RICTOR: variants seen among roughly 807,000 people sequenced by gnomAD.
RICTOR encodes the protein RPTOR independent companion of MTOR complex 2, also known as rapamycin-insensitive companion of mTOR.
A neutral mutation model predicts 214.9 loss-of-function variants in RICTOR; 49 were observed. The ratio of observed to expected loss-of-function variants is 0.23; its 90% CI spans 0.18 to 0.29. RICTOR has a LOEUF of 0.29. Among genes scored for constraint, RICTOR ranks in the 10% least tolerant of loss-of-function variants. The probability of loss-of-function intolerance (pLI) is 1.00; values close to 1 mark genes in which losing one functional copy is unlikely to be tolerated. For missense variants in RICTOR, 1,625 were observed against 2,047.0 expected (o/e 0.79, Z 3.98); for synonymous variants, 717 against 711.3 (o/e 1.01, Z -0.13).
chr5:39,059,386 C>G (rs549641169), intron 2 of RICTOR, among the ~76,000 whole-genome samples: 4 of 152,182 alleles, frequency 2.6e-5, no homozygotes, highest in South Asian at 2.1e-4. Context: ...TGGAAGGAAA[C>G]AGAATGGGAG....
intron 27 of RICTOR, among the ~76,000 whole-genome samples, chr5:38,954,418 C>T (rs1392866914): frequency 6.6e-6 from 1 of 151,696 alleles, no homozygotes; most frequent in African/African-American, 2.4e-5. Context: ...GTTTAATTTC[C>T]CAATGAGTGG....
At chr5:39,003,096 C>T (rs572745222) in intron 4 of RICTOR, among the ~76,000 whole-genome samples, 1 of 152,114 alleles carries the variant, frequency 6.6e-6, no homozygotes, top group South Asian at 2.1e-4. Flanking sequence ...TAATTTATGC[C>T]AATAGCAGGC....
chr5:38,958,662 T>C lies in RICTOR; in HGVS notation c.2343+5A>G, dbSNP rs577991964. On this transcript the variant is annotated splice_donor_5th_base_variant and intron_variant, in intron 23 of 37. Transcript: ENST00000357387. The stretch of plus-strand genomic sequence containing the variant: ...AGTATTAAATTATAAAAAATGAACC[T>C]TTACCTTGTCTTCACATGCTTCATC... The C allele has an allele frequency of 6.9e-6, 11 of 1,591,518 alleles. 1 individual carries two copies. In the African/African-American group the frequency reaches 1.4e-4, roughly 20 times the overall value.
chr5:38,967,296 G>A (rs1750318094), intron 13 of RICTOR, 41 bp downstream of exon 13: 11 of 1,595,478 alleles, frequency 6.9e-6, no homozygotes, highest in South Asian at 1.1e-5. Flanking sequence ...ATAAAAACCC[G>A]AATTCTAATA....
intron 3 of RICTOR, among the ~76,000 whole-genome samples, chr5:39,005,447 T>C (rs1366253180): frequency 6.6e-6 from 1 of 152,200 alleles, no homozygotes; most frequent in East Asian, 1.9e-4. Context: ...CTAATGAGTT[T>C]TTAAATGTAG....
rs183276080 is a variant in RICTOR, at chr5:39,038,582, G to A, written c.98-17446C>T. 2.4e-3 allele frequency among the ~76,000 whole-genome samples: 366 copies of A among 152,278 alleles called. 1 individual carries two copies. The highest frequency in any genetic ancestry group is 7.6e-3 in the African/African-American group (317 of 41,558). On this transcript the variant is annotated intron_variant, in intron 2 of 37. Transcript: ENST00000357387. ...ATATTTAGAAAACCCCATTGTCTCA[G>A]CCCAAAATCTCCTTAAGCTGATAAG...
At chr5:39,070,724 G>T (rs576614428) in intron 2 of RICTOR, among the ~76,000 whole-genome samples, 1 of 152,202 alleles carries the variant, frequency 6.6e-6, no homozygotes, top group African/African-American at 2.4e-5. Flanking sequence ...TACCAGGAGG[G>T]GTTTACCCAG....
At position 38,942,220 on chromosome 5, in the gene RICTOR, G is replaced by T; in HGVS notation, c.*84C>A. 1 of 769,182 alleles carries T rather than the reference G, an allele frequency of 1.3e-6. No homozygotes were observed. The highest frequency in any genetic ancestry group is 1.7e-5 in the African/African-American group (1 of 58,112). The allele number at this position is 769,182 out of a possible 1,614,324, so 47.6% of individuals were successfully genotyped here. ...AAGATACTCCTGTCTTTGCTGCCTAGTCAGTCGTATTTTCTGAGGCTTTTA... is the reference window on the plus strand; with the variant it reads ...AAGATACTCCTGTCTTTGCTGCCTATTCAGTCGTATTTTCTGAGGCTTTTA... On this transcript the variant is annotated 3_prime_UTR_variant, in exon 38 of 38. Transcript: ENST00000357387.
At position 38,969,364 on chromosome 5, in the gene RICTOR, T is replaced by C. The variant is rs376886202; in HGVS notation, c.973-1334A>G. On this transcript the variant is annotated intron_variant, in intron 11 of 37. Transcript: ENST00000357387. ...ATAAGGATATAAAACCAAAAAAATT[T>C]TGAACACCTATACAATGTGTTTGTG... Among the ~76,000 whole-genome samples, 14 of 152,094 alleles carry C rather than the reference T, an allele frequency of 9.2e-5. No homozygotes were observed. The East Asian group carries it at 2.7e-3, about 29-fold the overall frequency.
chr5:39,032,515 T>C (rs935092714), intron 2 of RICTOR, among the ~76,000 whole-genome samples: 1 of 152,166 alleles, frequency 6.6e-6, no homozygotes, highest in Non-Finnish European at 1.5e-5. Flanking sequence ...CTGGAAGTCA[T>C]CACATCATGC....
At chr5:38,974,504 G>T (rs1751047275) in intron 10 of RICTOR, among the ~76,000 whole-genome samples, 1 of 152,068 alleles carries the variant, frequency 6.6e-6, no homozygotes, top group Non-Finnish European at 1.5e-5. Flanking sequence ...ATGCAGGATA[G>T]AATTAATTTT....
intron 2 of RICTOR, among the ~76,000 whole-genome samples, chr5:39,031,006 T>C (rs1237233977): frequency 6.6e-6 from 1 of 152,192 alleles, no homozygotes; most frequent in Non-Finnish European, 1.5e-5. Flanking sequence ...TCAGGCAGCA[T>C]GAACCTAACA....
chr5:38,990,677 G>GAT (rs1300984037), intron 7 of RICTOR, among the ~76,000 whole-genome samples: 474 of 4,862 alleles, frequency 0.097, 83 homozygotes, highest in East Asian at 0.15. Flanking sequence ...ATATATATCA[G>GAT]ATATATCATA....
chr5:39,018,757 G>A (rs1755161388), intron 3 of RICTOR, among the ~76,000 whole-genome samples: 3 of 152,014 alleles, frequency 2.0e-5, no homozygotes, highest in African/African-American at 7.2e-5. Context: ...GTAAAATTGG[G>A]CAAATTAATA....
intron 9 of RICTOR, 133 bp from the exon 10 acceptor site, chr5:38,975,737 AAG>A: frequency 6.2e-6 from 3 of 486,014 alleles, no homozygotes; most frequent in South Asian, 9.0e-5. Context: ...AAACAAGACA[AAG>A]ATCAGATCTA....
intron 10 of RICTOR, among the ~76,000 whole-genome samples, chr5:38,975,131 TG>T (rs915160943): frequency 5.9e-5 from 9 of 152,328 alleles, no homozygotes; most frequent in African/African-American, 2.2e-4. Context: ...TCAAGAAATT[TG>T]GAACTATTAA....
At chr5:39,030,870 T>A (rs1410803279) in intron 2 of RICTOR, among the ~76,000 whole-genome samples, 2 of 152,146 alleles carry the variant, frequency 1.3e-5, no homozygotes, top group African/African-American at 4.8e-5. Flanking sequence ...CCAATTCCAG[T>A]AAGTATTGCT....
chr5:38,966,586 T>C, intron 15 of RICTOR, 55 bp downstream of exon 15: 1 of 856,134 alleles, frequency 1.2e-6, no homozygotes, highest in Non-Finnish European at 1.9e-6. Context: ...TAACTTGTTT[T>C]ATAAATTCAA....
At chr5:38,945,998 A>G (rs1748148885) in intron 33 of RICTOR, among the ~76,000 whole-genome samples, 1 of 152,196 alleles carries the variant, frequency 6.6e-6, no homozygotes, top group African/African-American at 2.4e-5. Flanking sequence ...AAAGATATGT[A>G]ATAATTCTAA....
Sources: gnomAD v4.1 joint callset for allele counts (sites outside exome capture counted in the v4.1 genomes callset) on GRCh38, gnomAD v4.1.1 for gene constraint, MANE v1.5 for transcripts, NCBI Gene and HGNC (gene_info 2026-07-23, HGNC 2026-07-21) for gene names.